The following ASTN2 variants were observed in gnomAD, a reference collection of about 807,000 sequenced individuals.
ASTN2 encodes the protein astrotactin 2.
Under a neutral mutation model 139.8 loss-of-function variants are expected in ASTN2, and 54 were observed. The ratio of observed to expected loss-of-function variants is 0.39; its 90% CI spans 0.31 to 0.48. The LOEUF (loss-of-function observed/expected upper bound fraction) is 0.48. ASTN2 is among the 20% of genes least tolerant of loss of function. The pLI is 0.95. For missense variants in ASTN2, 1,565 were observed against 1,725.1 expected, an observed-to-expected ratio of 0.91 and a Z score of 1.64; for synonymous variants, 756 against 719.5, an observed-to-expected ratio of 1.05 and a Z score of -0.81.
At chr9:116,704,879 T>TTA (rs1434075181) in intron 16 of ASTN2, among the ~76,000 whole-genome samples, 3 of 152,180 alleles carry the variant, frequency 2.0e-5, no homozygotes, top group Non-Finnish European at 2.9e-5. Flanking sequence ...TTTAAAGATT[T>TTA]TATATATATA....
intron 19 of ASTN2, among the ~76,000 whole-genome samples, chr9:116,537,384 C>T (rs1394282018): frequency 6.6e-6 from 1 of 152,188 alleles, no homozygotes; most frequent in African/African-American, 2.4e-5. Context: ...TTTGGTTTCA[C>T]AATTTACATT....
intron 13 of ASTN2, among the ~76,000 whole-genome samples, chr9:116,739,142 G>A (rs906405527): frequency 5.9e-5 from 9 of 152,128 alleles, no homozygotes; most frequent in Middle Eastern, 3.2e-3. Context: ...CTTGGGCCCC[G>A]GGGACTCTGG....
At chr9:116,737,248 G>A (rs1034236968) in intron 13 of ASTN2, among the ~76,000 whole-genome samples, 1 of 152,200 alleles carries the variant, frequency 6.6e-6, no homozygotes, top group Non-Finnish European at 1.5e-5. Flanking sequence ...GGGCGCCCGG[G>A]GCCTTTGCAT....
intron 11 of ASTN2, among the ~76,000 whole-genome samples, chr9:116,857,691 T>G (rs1832775779): frequency 6.6e-6 from 1 of 152,184 alleles, no homozygotes. Context: ...TCTGTTTGTA[T>G]AATGGGAGAG....
intron 1 of ASTN2, among the ~76,000 whole-genome samples, chr9:117,348,383 T>C (rs897713813): frequency 6.6e-6 from 1 of 152,196 alleles, no homozygotes; most frequent in Non-Finnish European, 1.5e-5. Flanking sequence ...ATAGACATAA[T>C]CCAAGAGATG....
At chr9:117,392,475 GT>G (rs1485076727) in intron 1 of ASTN2, among the ~76,000 whole-genome samples, 2 of 152,040 alleles carry the variant, frequency 1.3e-5, no homozygotes, top group Admixed American at 1.3e-4. Flanking sequence ...GTTTTGTACT[GT>G]TTGTTTGTTT....
chr9:117,204,476 GGACACTGTACTCTCTCTCAAAGATC>G (rs370750065), intron 3 of ASTN2, among the ~76,000 whole-genome samples: 1 of 152,286 alleles, frequency 6.6e-6, no homozygotes, highest in African/African-American at 2.4e-5. Context: ...CAAAGATAAA[GGACACTGTACTCTCTCTCAAAGATC>G]TCTAAGTCTA....
chr9:116,909,902 C>A (rs1011830600), intron 10 of ASTN2, among the ~76,000 whole-genome samples: 7 of 152,114 alleles, frequency 4.6e-5, no homozygotes, highest in Admixed American at 6.5e-5. Context: ...GGAACATCAA[C>A]GACGAGATTT....
At chr9:116,913,278 AC>A (rs1195957967) in intron 10 of ASTN2, among the ~76,000 whole-genome samples, 1 of 152,098 alleles carries the variant, frequency 6.6e-6, no homozygotes, top group Non-Finnish European at 1.5e-5. Context: ...CACTCCTTTT[AC>A]TTTCCCTGAC....
intron 20 of ASTN2, among the ~76,000 whole-genome samples, chr9:116,460,658 C>T (rs936363223): frequency 3.9e-5 from 6 of 152,018 alleles, no homozygotes; most frequent in East Asian, 3.9e-4. Flanking sequence ...ATGTAGGATC[C>T]GAGGATTGCA....
intron 3 of ASTN2, among the ~76,000 whole-genome samples, chr9:117,177,936 G>A (rs1408261393): frequency 6.6e-6 from 1 of 152,074 alleles, no homozygotes; most frequent in African/African-American, 2.4e-5. Context: ...ACACTTAGAG[G>A]AGAATCCCAG....
intron 11 of ASTN2, among the ~76,000 whole-genome samples, chr9:116,840,491 T>C (rs1305440066): frequency 8.3e-6 from 1 of 120,504 alleles, no homozygotes; most frequent in Non-Finnish European, 1.7e-5. Context: ...ACGGGGCGGC[T>C]GGCCGGACGG....
intron 19 of ASTN2, among the ~76,000 whole-genome samples, chr9:116,547,117 C>T (rs1204491731): frequency 6.6e-6 from 1 of 152,150 alleles, no homozygotes; most frequent in African/African-American, 2.4e-5. Context: ...ACTCCTCCAC[C>T]TGAGTACTTA....
intron 10 of ASTN2, among the ~76,000 whole-genome samples, chr9:116,961,482 G>A (rs1339422990): frequency 6.6e-6 from 1 of 152,036 alleles, no homozygotes; most frequent in Non-Finnish European, 1.5e-5. Context: ...TTGTCCTTTT[G>A]TGCCTGGCTT....
chr9:116,898,161 CT>C (rs1833922592), intron 10 of ASTN2, among the ~76,000 whole-genome samples: 1 of 152,082 alleles, frequency 6.6e-6, no homozygotes, highest in Non-Finnish European at 1.5e-5. Context: ...AATCCCAGCA[CT>C]TTGGGAGGCC....
intron 19 of ASTN2, among the ~76,000 whole-genome samples, chr9:116,596,383 T>C (rs909263600): frequency 2.6e-5 from 4 of 152,178 alleles, no homozygotes; most frequent in African/African-American, 9.7e-5. Context: ...ATAGTGAATA[T>C]GGTATTGTGT....
intron 1 of ASTN2, among the ~76,000 whole-genome samples, chr9:117,358,464 G>T (rs528523275): frequency 1.4e-4 from 21 of 152,222 alleles, no homozygotes; most frequent in Non-Finnish European, 8.8e-5. Context: ...TTTTGGGCCT[G>T]ATAGCACAAT....
intron 3 of ASTN2, among the ~76,000 whole-genome samples, chr9:117,179,531 C>T (rs1831003962): frequency 6.6e-6 from 1 of 152,238 alleles, no homozygotes; most frequent in African/African-American, 2.4e-5. Flanking sequence ...AAGGGATTAG[C>T]AATATTCTTC....
chr9:116,688,514 T>C (rs1168425855), intron 16 of ASTN2, among the ~76,000 whole-genome samples: 1 of 152,164 alleles, frequency 6.6e-6, no homozygotes, highest in East Asian at 1.9e-4. Flanking sequence ...AATCTTCAGT[T>C]CAGATAATCC....
Sources: gnomAD v4.1 joint callset for allele counts (sites outside exome capture counted in the v4.1 genomes callset) on GRCh38, gnomAD v4.1.1 for gene constraint, MANE v1.5 for transcripts, NCBI Gene and HGNC (gene_info 2026-07-23, HGNC 2026-07-21) for gene names.